Variants in BIN1 observed in about 807,000 individuals in gnomAD.
BIN1 encodes the protein bridging integrator 1.
Under a neutral mutation model 82.0 loss-of-function variants are expected in BIN1, and 53 were observed. That is an observed-to-expected ratio of 0.65 (90% CI 0.52 to 0.81). BIN1 has a LOEUF of 0.81. Ranked by LOEUF, BIN1 falls within the 40% of genes least tolerant of loss-of-function variation. The pLI is 0.00. For missense variants in BIN1, 642 were observed against 784.4 expected (o/e 0.82, Z 2.17); for synonymous variants, 302 against 328.0 (o/e 0.92, Z 0.86).
chr2:127,103,539 A>G (rs143920952), intron 1 of BIN1, among the ~76,000 whole-genome samples: 196 of 151,730 alleles, frequency 1.3e-3, no homozygotes, highest in Non-Finnish European at 2.3e-3. Context: ...CAGCATGCAC[A>G]CTCCCACCCT....
chr2:127,103,553 A>G (rs1300603154), intron 1 of BIN1, among the ~76,000 whole-genome samples: 2 of 152,102 alleles, frequency 1.3e-5, no homozygotes, highest in African/African-American at 2.4e-5. Flanking sequence ...CCACCCTGCC[A>G]GAGCCTTCCT....
At chr2:127,089,231 G>A (rs4663095) in intron 1 of BIN1, among the ~76,000 whole-genome samples, 35,127 of 152,022 alleles carry the variant, frequency 0.23, 4,207 homozygotes, top group East Asian at 0.31. Context: ...CTGCACATGC[G>A]GCCTCGGCCC....
chr2:127,052,298 G>A lies in BIN1; in HGVS notation c.1328C>T (p.Ala443Val), dbSNP rs758494519. ...GGCCGTCTGGCTGGGCCAGGACACAGCAAAGGTGCCCTCGGCAGCGCTGGG... is the reference window on the plus strand; with the variant it reads ...GGCCGTCTGGCTGGGCCAGGACACAACAAAGGTGCCCTCGGCAGCGCTGGG... The part of the protein sequence containing the change: ...GEPSAAEGTF[A>V]VSWPSQTAEP... The change falls in exon 15 of 19, where the codon GCT becomes GTT. Residue 443 changes from alanine to valine, a missense_variant. Coordinates refer to ENST00000316724, the MANE Select transcript of BIN1 (RefSeq NM_139343.3). The A allele has an allele frequency of 1.3e-6, 2 of 1,586,634 alleles. No individual in the cohort carries two copies. Among genetic ancestry groups the A allele is most frequent in the East Asian group, 2.3e-5 (1 of 43,644 alleles).
At chr2:127,086,670 G>T (rs549488398) in intron 1 of BIN1, among the ~76,000 whole-genome samples, 1 of 152,042 alleles carries the variant, frequency 6.6e-6, no homozygotes, top group East Asian at 1.9e-4. Flanking sequence ...ACCACGCCTG[G>T]CTAATTTTTG....
rs1295937955 is a variant in BIN1 at position 127,090,017 on chromosome 2, C to CGCACCTGCCGCCCAGT, written c.85-13327_85-13312dup. Among the ~76,000 whole-genome samples the CGCACCTGCCGCCCAGT allele has an allele frequency of 1.3e-5, 2 of 151,594 alleles. No homozygotes were observed. The highest frequency in any genetic ancestry group is 2.9e-5 in the Non-Finnish European group (2 of 67,898). On this transcript the variant is annotated intron_variant, in intron 1 of 18. Coordinates refer to ENST00000316724, the MANE Select transcript of BIN1 (RefSeq NM_139343.3). The surrounding 1 kb of genome is among the most constrained non-coding windows in gnomAD (Gnocchi z 6.4). ...ACCCCCAGCTCACATAAGCCTTCCC[C>CGCACCTGCCGCCCAGT]GCACCTGCCGCCCAGTGCACCTGCT...
chr2:127,092,972 G>A (rs368879128), intron 1 of BIN1, among the ~76,000 whole-genome samples: 13 of 151,772 alleles, frequency 8.6e-5, no homozygotes, highest in African/African-American at 2.9e-4. Context: ...GACAGACAGA[G>A]GGGCCAATCC....
At chr2:127,099,515 CTTAT>C (rs1305032932) in intron 1 of BIN1, among the ~76,000 whole-genome samples, 2 of 152,116 alleles carry the variant, frequency 1.3e-5, no homozygotes, top group Non-Finnish European at 2.9e-5. Context: ...TTTTTATTTA[CTTAT>C]TTATTTATTT....
At chr2:127,074,131 G>T (rs1686289186) in intron 2 of BIN1, among the ~76,000 whole-genome samples, 1 of 152,044 alleles carries the variant, frequency 6.6e-6, no homozygotes, top group African/African-American at 2.4e-5. Flanking sequence ...TAGGCTTGGG[G>T]CTCACAGAAT....
At chr2:127,084,943 C>T (rs542470068) in intron 1 of BIN1, among the ~76,000 whole-genome samples, 3 of 152,322 alleles carry the variant, frequency 2.0e-5, no homozygotes, top group African/African-American at 7.2e-5. Flanking sequence ...CCAGTGAAGT[C>T]ACACGTACAG....
intron 2 of BIN1, among the ~76,000 whole-genome samples, chr2:127,076,179 C>T (rs1159100471): frequency 3.3e-5 from 5 of 152,162 alleles, no homozygotes; most frequent in African/African-American, 1.2e-4. Context: ...ACAGCCCAGC[C>T]TTGAGCCTGC....
At chr2:127,099,640 A>G (rs1184477604) in intron 1 of BIN1, among the ~76,000 whole-genome samples, 5 of 151,976 alleles carry the variant, frequency 3.3e-5, no homozygotes, top group Non-Finnish European at 5.9e-5. Flanking sequence ...CAGCCTCCCA[A>G]GTAGCTGGGA....
chr2:127,101,494 A>C (rs1408714745), intron 1 of BIN1, among the ~76,000 whole-genome samples: 1 of 152,172 alleles, frequency 6.6e-6, no homozygotes, highest in Non-Finnish European at 1.5e-5. Context: ...CACCCCTCTA[A>C]GCACCTGCCA....
intron 2 of BIN1, among the ~76,000 whole-genome samples, chr2:127,072,445 C>T (rs1686008653): frequency 6.6e-6 from 1 of 152,162 alleles, no homozygotes; most frequent in Non-Finnish European, 1.5e-5. Context: ...CCCATGAGAC[C>T]CTCCAAGCCT....
rs144459969 is a variant in BIN1 at position 127,050,894 on chromosome 2, C to T, written c.1480G>A (p.Val494Met). ...ACAGTTGCTGGGAAGGTCTCCACCA[C>T]GACAGCAGGAAGAGAGCTCTGGTGG... The part of the protein sequence containing the change: ...EAASSSLPAV[V>M]VETFPATVNG... Residue 494 changes from valine (V) to methionine (M), a missense_variant, in exon 17 of 19, where the codon GTG (valine) becomes ATG (methionine). By Grantham distance (21) the Val-to-Met change is conservative (BLOSUM62 1). Transcript: ENST00000316724. 54 of 1,613,986 alleles carry T rather than the reference C, an allele frequency of 3.3e-5. 1 individual carries two copies. In the African/African-American group the frequency reaches 5.2e-4, roughly 16 times the overall value.
rs886054835 is a variant in BIN1 at position 127,063,952 on chromosome 2, G to C, written c.679C>G (p.Leu227Val). 6 of 1,613,804 alleles carry C rather than the reference G, an allele frequency of 3.7e-6. No individual in the cohort carries two copies. Among genetic ancestry groups the C allele is most frequent in the Non-Finnish European group, 5.1e-6 (6 of 1,179,984 alleles). The change falls in exon 8 of 19, where the codon CTG (leucine) becomes GTG (valine). Residue 227 changes from leucine to valine, a missense_variant. Transcript: ENST00000316724. ...CCTCACCTGTTCCACAGGGACGGCA[G>C]CTCCTCCTGCAGATCCACATTCATC... ...EEMNVDLQEE[L>V]PSLWNSRVGF...
chr2:127,049,133 C>T (rs896590444), intron 18 of BIN1, among the ~76,000 whole-genome samples: 2 of 152,244 alleles, frequency 1.3e-5, no homozygotes, highest in African/African-American at 4.8e-5. Flanking sequence ...GCCATCCACT[C>T]CTGCCAGTGG....
intron 1 of BIN1, among the ~76,000 whole-genome samples, chr2:127,098,981 A>T (rs1191080255): frequency 1.3e-5 from 2 of 152,200 alleles, no homozygotes; most frequent in Non-Finnish European, 2.9e-5. Context: ...CGGCTGCTTT[A>T]TCACGGGGGA....
Position 127,048,614 on chromosome 2 carries a change from C to T in BIN1, c.1694G>A (p.Gly565Asp). 1 of 1,613,210 alleles carries T rather than the reference C, an allele frequency of 6.2e-7. No homozygotes were observed. The highest frequency in any genetic ancestry group is 8.5e-7 in the Non-Finnish European group (1 of 1,180,018). Residue 565 changes from glycine (G) to aspartate (D), a missense_variant, in exon 19 of 19, where the codon GGC (glycine) becomes GAC (aspartate). Coordinates refer to ENST00000316724, the MANE Select transcript of BIN1 (RefSeq NM_139343.3). ...CTGGTTCCAGTCGCTCTCCTTCACG[C>T]CCATGAGCCAGCCTTCATCCTGAGG... is the stretch of plus-strand genomic sequence containing the variant. ...PEEQDEGWLMGVKESDWNQHK... is the reference protein window; with the variant it reads ...PEEQDEGWLMDVKESDWNQHK...
chr2:127,104,800 G>A (rs909329036), intron 1 of BIN1, among the ~76,000 whole-genome samples: 3 of 152,156 alleles, frequency 2.0e-5, no homozygotes, highest in African/African-American at 4.8e-5. Context: ...GGCTTCCTGC[G>A]AGCAGGGCCT....
Sources: gnomAD v4.1 joint callset for allele counts (sites outside exome capture counted in the v4.1 genomes callset) on GRCh38, gnomAD v4.1.1 for gene constraint, Gnocchi (gnomAD v3.1) non-coding constraint, MANE v1.5 for transcripts, NCBI Gene and HGNC (gene_info 2026-07-23, HGNC 2026-07-21) for gene names.